AK5: variants seen among roughly 807,000 people sequenced by gnomAD.
The protein encoded by AK5 is adenylate kinase isoenzyme 5.
Under a neutral mutation model 69.5 loss-of-function variants are expected in AK5, and 27 were observed. The ratio of observed to expected loss-of-function variants is 0.39; its 90% CI spans 0.29 to 0.54. The LOEUF is 0.54. AK5 is among the 20% of genes least tolerant of loss of function. AK5 has a pLI of 0.71. For missense variants in AK5, 531 were observed against 700.4 expected, an observed-to-expected ratio of 0.76 and a Z score of 2.73; for synonymous variants, 260 against 244.4, an observed-to-expected ratio of 1.06 and a Z score of -0.60.
intron 6 of AK5, among the ~76,000 whole-genome samples, chr1:77,409,141 A>G (rs1649865291): frequency 6.6e-6 from 1 of 152,074 alleles, no homozygotes; most frequent in South Asian, 2.1e-4. Flanking sequence ...TATGTACCAC[A>G]TTTCCTTTTT....
intron 13 of AK5, among the ~76,000 whole-genome samples, chr1:77,542,926 G>A (rs1336116256): frequency 6.6e-6 from 1 of 152,146 alleles, no homozygotes; most frequent in African/African-American, 2.4e-5. Context: ...AAAATAAAAA[G>A]AGAGCCCAGT....
chr1:77,394,484 G>A (rs922543073), intron 6 of AK5, among the ~76,000 whole-genome samples: 1 of 152,048 alleles, frequency 6.6e-6, no homozygotes. Context: ...TCCTACTGTA[G>A]TTCTCTATAC....
chr1:77,445,007 C>A (rs1264009775), intron 8 of AK5, among the ~76,000 whole-genome samples: 3 of 152,112 alleles, frequency 2.0e-5, no homozygotes, highest in African/African-American at 7.2e-5. Flanking sequence ...GGCAGGATCT[C>A]TTTCTCTTTT....
chr1:77,452,539 A>G (rs532704606), intron 8 of AK5, among the ~76,000 whole-genome samples: 1 of 152,330 alleles, frequency 6.6e-6, no homozygotes, highest in South Asian at 2.1e-4. Context: ...AGTATATTAA[A>G]TGCTAAAATA....
chr1:77,365,068 C>G (rs1320012837), intron 6 of AK5, among the ~76,000 whole-genome samples: 1 of 152,090 alleles, frequency 6.6e-6, no homozygotes, highest in African/African-American at 2.4e-5. Context: ...TTCATGCTAC[C>G]TGGTGAGATG....
chr1:77,366,400 C>T (rs1326461530), intron 6 of AK5, among the ~76,000 whole-genome samples: 1 of 152,120 alleles, frequency 6.6e-6, no homozygotes, highest in Non-Finnish European at 1.5e-5. Context: ...TCATTATCTC[C>T]CATATGTTTA....
chr1:77,344,821 G>T (rs981711328), intron 6 of AK5, among the ~76,000 whole-genome samples: 3 of 151,658 alleles, frequency 2.0e-5, no homozygotes, highest in African/African-American at 7.3e-5. Context: ...CATCACCTGA[G>T]CAGTATTTAC....
intron 8 of AK5, among the ~76,000 whole-genome samples, chr1:77,449,061 TCAGAGCCCCTACA>T (rs1267384563): frequency 6.6e-6 from 1 of 152,012 alleles, no homozygotes; most frequent in Non-Finnish European, 1.5e-5. Context: ...AAATGTGGGG[TCAGAGCCCCTACA>T]CAGAGTCCCT....
At chr1:77,556,854 A>T (rs146257042) in intron 13 of AK5, among the ~76,000 whole-genome samples, 239 of 152,242 alleles carry the variant, frequency 1.6e-3, no homozygotes, top group African/African-American at 5.6e-3. Context: ...AAATATACAG[A>T]TTAAAGACCC....
rs1414869704 is a variant in AK5 at position 77,521,888 on chromosome 1, T to G, written c.1373T>G (p.Phe458Cys). Residue 458 changes from phenylalanine to cysteine, a missense_variant, in exon 12 of 14, where the codon TTC becomes TGC. By Grantham distance (205) the Phe-to-Cys change is radical (BLOSUM62 -2). Coordinates refer to ENST00000354567, the MANE Select transcript of AK5 (RefSeq NM_174858.3). ...MVASLGDTRG[F>C]LIDGYPREVK... ...GCCAGCCTCGGGGACACCAGGGGCT[T>G]CCTGATTGACGGCTATCCTCGGGAG... 1 of 1,613,570 alleles carries G rather than the reference T, an allele frequency of 6.2e-7. No homozygotes were observed. The highest frequency in any genetic ancestry group is 1.7e-5 in the Admixed American group (1 of 59,862).
intron 8 of AK5, among the ~76,000 whole-genome samples, chr1:77,442,400 T>C (rs1346290731): frequency 6.6e-6 from 1 of 152,160 alleles, no homozygotes. Context: ...TCAACTGGGC[T>C]TAAGTGCTTG....
chr1:77,380,779 G>A (rs757099498), intron 6 of AK5, among the ~76,000 whole-genome samples: 25 of 152,154 alleles, frequency 1.6e-4, no homozygotes, highest in Admixed American at 2.0e-4. Flanking sequence ...GTCAGAGAAA[G>A]TCTCCAAAGA....
intron 5 of AK5, among the ~76,000 whole-genome samples, chr1:77,304,701 G>A (rs183875734): frequency 4.1e-4 from 63 of 152,244 alleles, no homozygotes; most frequent in African/African-American, 1.4e-3. Context: ...CACCATGCCC[G>A]GCCTTATGTA....
intron 6 of AK5, among the ~76,000 whole-genome samples, chr1:77,381,266 C>G (rs1289291825): frequency 6.6e-6 from 1 of 152,162 alleles, no homozygotes. Flanking sequence ...TGTTTATGAA[C>G]TGGAAAGAGG....
At chr1:77,465,535 G>A (rs563768600) in intron 8 of AK5, among the ~76,000 whole-genome samples, 2 of 152,268 alleles carry the variant, frequency 1.3e-5, no homozygotes, top group South Asian at 4.1e-4. Context: ...TTCACCTGCT[G>A]CATACTGGGC....
intron 7 of AK5, among the ~76,000 whole-genome samples, chr1:77,417,135 AG>A (rs1489329196): frequency 5.3e-5 from 8 of 152,114 alleles, no homozygotes; most frequent in African/African-American, 1.9e-4. Context: ...TCGAGTTTTC[AG>A]GGAGTACGCA....
intron 6 of AK5, among the ~76,000 whole-genome samples, chr1:77,366,960 A>G (rs917728071): frequency 3.9e-5 from 6 of 152,008 alleles, no homozygotes; most frequent in Non-Finnish European, 7.4e-5. Flanking sequence ...TTAAATGTCA[A>G]CGGTCTACCT....
In AK5 at chr1:77,464,311, G is replaced by A. The variant is rs557139730; in HGVS notation, c.1060-19006G>A. 3.9e-5 allele frequency among the ~76,000 whole-genome samples: 6 copies of A among 152,318 alleles called. No individual in the cohort carries two copies. The South Asian group carries it at 1.2e-3, about 32-fold the overall frequency. On this transcript the variant is annotated intron_variant, in intron 8 of 13. Transcript: ENST00000354567. ...AAGAGGAGGGGCCAGGCTCCTTCCT[G>A]CTGCAAAGGGTGCCAACTTCCCCGA...
intron 6 of AK5, among the ~76,000 whole-genome samples, chr1:77,350,181 G>A (rs1191657442): frequency 2.0e-5 from 3 of 152,202 alleles, no homozygotes; most frequent in African/African-American, 7.2e-5. Flanking sequence ...CTCAGCTGGA[G>A]AAGTGGTATG....
Sources: allele counts gnomAD v4.1 joint callset (sites outside exome capture counted in the v4.1 genomes callset), GRCh38; gene constraint gnomAD v4.1.1; transcripts MANE v1.5; gene names NCBI Gene and HGNC (gene_info 2026-07-23, HGNC 2026-07-21).